The following TRPM8 variants were observed in gnomAD, a reference collection of about 807,000 sequenced individuals.
TRPM8 encodes transient receptor potential cation channel subfamily M member 8, also known as TRPM8 cationic channel.
In TRPM8, 110 loss-of-function variants were observed where a neutral mutation model predicts 133.7. That is an observed-to-expected ratio of 0.82 (90% CI 0.70 to 0.96). The LOEUF is 0.96. Ranked by LOEUF, TRPM8 falls within the 40% of genes least tolerant of loss-of-function variation. TRPM8 has a pLI of 0.00. For synonymous variants in TRPM8, 535 were observed against 532.3 expected, an observed-to-expected ratio of 1.01 and a Z score of -0.07; for missense variants, 1,291 against 1,379.5, an observed-to-expected ratio of 0.94 and a Z score of 1.02.
rs568086949 is a variant in TRPM8, at chr2:234,016,841, A to G, written c.*43-458A>G. Among the ~76,000 whole-genome samples the G allele has an allele frequency of 6.6e-5, 10 of 152,300 alleles. No homozygotes were observed. In the South Asian group the frequency reaches 1.9e-3, roughly 28 times the overall value. On this transcript the variant is annotated intron_variant, in intron 25 of 25. Transcript: ENST00000324695. Reference sequence around the variant, plus strand: ...TCCCTGGAAGTTGTTCATTTCCTGCATAATAGTCCGTTGATTCTTGCATTT... The same window carrying G: ...TCCCTGGAAGTTGTTCATTTCCTGCGTAATAGTCCGTTGATTCTTGCATTT...
intron 15 of TRPM8, among the ~76,000 whole-genome samples, chr2:233,967,877 G>T (rs551212236): frequency 6.6e-6 from 1 of 152,058 alleles, no homozygotes; most frequent in Non-Finnish European, 1.5e-5. Context: ...ACCCTATCTC[G>T]CTTGTGTCCC....
Position 233,963,285 on chromosome 2 carries a change from G to A in TRPM8, c.1657G>A (p.Val553Met), listed in dbSNP as rs754995244. The A allele has an allele frequency of 5.6e-6, 9 of 1,610,686 alleles. No individual in the cohort carries two copies. Among genetic ancestry groups the A allele is most frequent in the Middle Eastern group, 1.7e-4 (1 of 6,050 alleles). ...ACCACATGCTCTAACCCCCCAGGAC[G>A]TGTCTCCTATTACTCGGCACCCCCT... The part of the protein sequence containing the change: ...RDEMDIELHD[V>M]SPITRHPLQA... Residue 553 changes from valine (V) to methionine (M), a missense_variant, in exon 13 of 26, where the codon GTG becomes ATG. Transcript: ENST00000324695.
chr2:233,950,275 C>T (rs935735022), intron 9 of TRPM8, 129 bp downstream of exon 9: 3 of 856,296 alleles, frequency 3.5e-6, no homozygotes, highest in African/African-American at 3.4e-5. Flanking sequence ...CTTTGAGGCT[C>T]AACAGGTGTC....
intron 3 of TRPM8, among the ~76,000 whole-genome samples, chr2:233,931,089 T>C (rs933337810): frequency 2.0e-5 from 3 of 152,340 alleles, no homozygotes; most frequent in African/African-American, 7.2e-5. Flanking sequence ...TGTACATATG[T>C]CCATCTTACT....
chr2:233,944,925 G>A (rs1406225348), intron 6 of TRPM8, among the ~76,000 whole-genome samples: 1 of 151,960 alleles, frequency 6.6e-6, no homozygotes, highest in Non-Finnish European at 1.5e-5. Flanking sequence ...CATTATAAAC[G>A]AGAAAAGTGA....
At chr2:233,959,150 G>A (rs145533749) in intron 11 of TRPM8, among the ~76,000 whole-genome samples, 6,060 of 150,528 alleles carry the variant, frequency 0.04, 173 homozygotes, top group Non-Finnish European at 0.054. Flanking sequence ...CTCAGCCTCC[G>A]GAGTAGCTGG....
Position 233,990,673 on chromosome 2 carries a change from C to T in TRPM8, c.2939+4808C>T, listed in dbSNP as rs538798367. ...AATGTGGGGATTTTTCTCTTCTGCT[C>T]CTGCCTTTTTGCTGTAGGGTGTTCT... On this transcript the variant is annotated intron_variant, in intron 21 of 25. Transcript: ENST00000324695. Among the ~76,000 whole-genome samples the T allele has an allele frequency of 3.5e-4, 54 of 152,268 alleles. No individual in the cohort carries two copies. In the South Asian group the frequency reaches 0.011, roughly 31 times the overall value.
chr2:233,985,621 T>C (rs1692125272), intron 20 of TRPM8, 67 bp from the exon 21 acceptor site: 1 of 1,470,806 alleles, frequency 6.8e-7, no homozygotes, highest in Non-Finnish European at 9.4e-7. Flanking sequence ...CTTGTGGCCC[T>C]GGGAATGCCA....
intron 22 of TRPM8, among the ~76,000 whole-genome samples, chr2:233,997,301 C>T (rs538450281): frequency 2.6e-5 from 4 of 152,188 alleles, no homozygotes; most frequent in African/African-American, 4.8e-5. Context: ...GAAATAGGAA[C>T]GTGCAGTTCA....
At chr2:233,970,917 T>C (rs1691697507) in intron 17 of TRPM8, among the ~76,000 whole-genome samples, 1 of 152,186 alleles carries the variant, frequency 6.6e-6, no homozygotes, top group South Asian at 2.1e-4. Flanking sequence ...TTCTGCAGTT[T>C]CTTGGGACCT....
At chr2:233,948,179 T>C (rs75337556) in intron 8 of TRPM8, among the ~76,000 whole-genome samples, 20 of 152,368 alleles carry the variant, frequency 1.3e-4, no homozygotes, top group East Asian at 3.9e-4. Context: ...CATCATCTAG[T>C]ACTTCTCATT....
chr2:233,979,202 C>T (rs544176256), intron 17 of TRPM8, among the ~76,000 whole-genome samples: 4 of 152,152 alleles, frequency 2.6e-5, no homozygotes, highest in African/African-American at 9.7e-5. Flanking sequence ...GTTATTTCCC[C>T]GCCTTGCACA....
Position 233,944,738 on chromosome 2 carries a change from A to G in TRPM8, c.700-1118A>G, listed in dbSNP as rs185487484. On this transcript the variant is annotated intron_variant, in intron 6 of 25. Transcript: ENST00000324695. Reference sequence around the variant, plus strand: ...TGCACTCAAAGTGAAATGCATAGCCATATACCTTTATTAGTAAAAATAAAA... The same window carrying G: ...TGCACTCAAAGTGAAATGCATAGCCGTATACCTTTATTAGTAAAAATAAAA... Among the ~76,000 whole-genome samples the G allele has an allele frequency of 1.8e-3, 272 of 152,340 alleles. 4 individuals are homozygous for G. Among genetic ancestry groups the G allele is most frequent in the Non-Finnish European group, 1.7e-3 (113 of 68,018 alleles).
chr2:233,958,125 C>T (rs568931395), intron 11 of TRPM8, among the ~76,000 whole-genome samples: 1 of 152,256 alleles, frequency 6.6e-6, no homozygotes, highest in East Asian at 1.9e-4. Flanking sequence ...CATGGATGAT[C>T]CCCTTTGTGG....
chr2:233,931,351 C>T (rs1258764063), intron 3 of TRPM8, among the ~76,000 whole-genome samples: 1 of 152,132 alleles, frequency 6.6e-6, no homozygotes, highest in African/African-American at 2.4e-5. Context: ...TTCGTCCTAC[C>T]TCCCACTCTC....
intron 20 of TRPM8, among the ~76,000 whole-genome samples, chr2:233,984,030 CTG>C (rs1020743907): frequency 3.3e-5 from 5 of 152,208 alleles, no homozygotes; most frequent in African/African-American, 1.2e-4. Flanking sequence ...AGTCTGCACA[CTG>C]TGCCTGCCGC....
chr2:233,943,193 T>C (rs1690955363), intron 6 of TRPM8, among the ~76,000 whole-genome samples: 1 of 151,838 alleles, frequency 6.6e-6, no homozygotes, highest in Non-Finnish European at 1.5e-5. Context: ...ATGTGCCATG[T>C]TGGTGTGCTG....
At chr2:233,938,235 G>A (rs572866829) in intron 4 of TRPM8, among the ~76,000 whole-genome samples, 27 of 152,148 alleles carry the variant, frequency 1.8e-4, no homozygotes, top group Admixed American at 3.3e-4. Flanking sequence ...GTTCCTACCC[G>A]GCTTCAAACG....
At chr2:233,969,483 G>A (rs114816031) in intron 15 of TRPM8, among the ~76,000 whole-genome samples, 20 of 151,912 alleles carry the variant, frequency 1.3e-4, no homozygotes, top group South Asian at 6.3e-4. Context: ...GTGAAACTCC[G>A]TCTCAAGAAA....
Sources: allele counts gnomAD v4.1 joint callset (sites outside exome capture counted in the v4.1 genomes callset), GRCh38; gene constraint gnomAD v4.1.1; transcripts MANE v1.5; gene names NCBI Gene and HGNC (gene_info 2026-07-23, HGNC 2026-07-21).